PPL: variants seen among roughly 807,000 people sequenced by gnomAD.
PPL encodes the protein 190 kDa paraneoplastic pemphigus antigen.
In PPL, 198 loss-of-function variants were observed where a neutral mutation model predicts 194.4. That is an observed-to-expected ratio of 1.02 (90% CI 0.91 to 1.15). PPL has a LOEUF of 1.15. PPL is among the 50% of genes most tolerant of loss of function. The pLI is 0.00. For missense variants in PPL, 2,885 were observed against 2,294.8 expected, an observed-to-expected ratio of 1.26 and a Z score of -5.25; for synonymous variants, 1,220 against 972.4, an observed-to-expected ratio of 1.25 and a Z score of -4.74.
At chr16:4,889,848 G>A (rs2088286460) in intron 18 of PPL, among the ~76,000 whole-genome samples, 1 of 152,200 alleles carries the variant, frequency 6.6e-6, no homozygotes, top group Non-Finnish European at 1.5e-5. Flanking sequence ...GGGCATGGGG[G>A]AGGCAGGAGT....
rs756566402 is a variant in PPL, at chr16:4,885,907, G to A, written c.2748C>T (p.Thr916=). The A allele has an allele frequency of 8.7e-6, 14 of 1,611,178 alleles. No homozygotes were observed. In the East Asian group the frequency reaches 3.1e-4, roughly 36 times the overall value. The change falls in exon 22 of 22, where the codon ACC becomes ACT. Residue 916 remains threonine, a synonymous_variant. Coordinates refer to ENST00000345988, the MANE Select transcript of PPL (RefSeq NM_002705.5). The surrounding 1 kb of genome is among the most constrained non-coding windows in gnomAD (Gnocchi z 6.3). ...RRQLENEVKS[T]QEEIWTLRNQ... ...TCCTCAAGGTCCAGATTTCTTCCTG[G>A]GTGCTCTTGACCTCGTTCTCCAGCT... is the stretch of plus-strand genomic sequence containing the variant.
At chr16:4,901,135 G>C (rs767662802) in intron 4 of PPL, 46 bp from the exon 5 acceptor site, 6 of 1,603,942 alleles carry the variant, frequency 3.7e-6, no homozygotes, top group Non-Finnish European at 5.1e-6. Context: ...TGGGCTGAGG[G>C]CTGGGGACGT....
In PPL at chr16:4,889,023, T is replaced by C. The variant is rs1308045500; in HGVS notation, c.2352A>G (p.Val784=). 3.1e-6 allele frequency: 5 copies of C among 1,613,766 alleles called. No homozygotes were observed. In the South Asian group the frequency reaches 5.5e-5, roughly 18 times the overall value. Residue 784 remains valine, a synonymous_variant, in exon 19 of 22, where the codon GTA becomes GTG. Transcript: ENST00000345988. ...LDEIASREQE[V]QKICANSQQY... Reference sequence around the variant, plus strand: ...GCTGGGAATTGGCACAGATCTTCTGTACTTCCTGCTCCCTACTTGCTATCT... The same window carrying C: ...GCTGGGAATTGGCACAGATCTTCTGCACTTCCTGCTCCCTACTTGCTATCT...
chr16:4,885,373 G>C lies in PPL; in HGVS notation c.3282C>G (p.Leu1094=), dbSNP rs772566466. The change falls in exon 22 of 22, where the codon CTC becomes CTG. Residue 1094 remains leucine (L), a synonymous_variant. Transcript: ENST00000345988. This position sits in a 1 kb window ranked among gnomAD's most constrained non-coding sequence, Gnocchi z 6.3. ...TCTCTAGCCTCTTGAGCTTGTCCTG[G>C]AGGAAGCTCAGCTCCTCCTCCTGCT... ...REKQEEELSF[L]QDKLKRLEKE... 6.2e-7 allele frequency: 1 copy of C among 1,612,772 alleles called. No individual in the cohort carries two copies. The highest frequency in any genetic ancestry group is 2.2e-5 in the East Asian group (1 of 44,826).
At position 4,901,052 on chromosome 16, in the gene PPL, G is replaced by C. The variant is rs529740238; in HGVS notation, c.476C>G (p.Pro159Arg). 1 of 1,614,172 alleles carries C rather than the reference G, an allele frequency of 6.2e-7. No individual in the cohort carries two copies. Among genetic ancestry groups the C allele is most frequent in the East Asian group, 2.2e-5 (1 of 44,872 alleles). Residue 159 changes from proline (P) to arginine (R), a missense_variant, in exon 5 of 22, where the codon CCG becomes CGG. By Grantham distance (103) the Pro-to-Arg change is moderately radical (BLOSUM62 -2). Coordinates refer to ENST00000345988, the MANE Select transcript of PPL (RefSeq NM_002705.5). ...CTCCTCCACTTGGTGGTCCACCAGC[G>C]GCAGGTCAGTCCCAAAGCTCTGGTT... The part of the protein sequence containing the change: ...LNNQSFGTDL[P>R]LVDHQVEEHN...
At chr16:4,889,175 G>A (rs974155213) in intron 18 of PPL, 114 bp from the exon 19 acceptor site, 15 of 714,468 alleles carry the variant, frequency 2.1e-5, no homozygotes, top group Non-Finnish European at 3.3e-5. Flanking sequence ...CTAGCACAAA[G>A]TATGATGAAT....
chr16:4,905,862 T>C (rs1245299294), intron 2 of PPL, among the ~76,000 whole-genome samples: 1 of 152,128 alleles, frequency 6.6e-6, no homozygotes, highest in Non-Finnish European at 1.5e-5. Flanking sequence ...CTTAACACTT[T>C]GGGGGGCTGT....
chr16:4,928,455 T>C (rs1332452672), intron 1 of PPL, among the ~76,000 whole-genome samples: 1 of 152,220 alleles, frequency 6.6e-6, no homozygotes, highest in African/African-American at 2.4e-5. Context: ...CAGAGGGTTT[T>C]TGTCATGCTT....
chr16:4,911,020 C>CA lies in PPL; in HGVS notation c.63-72dup, dbSNP rs2088810221. On this transcript the variant is annotated intron_variant, in intron 1 of 21. Transcript: ENST00000345988. ...GGGGGCTATGTCCCCACCAGCACCC[C>CA]ATCCTCTGGCTGGCCCCGGCCCCAC... is the stretch of plus-strand genomic sequence containing the variant. The CA allele has an allele frequency of 7.8e-6, 10 of 1,283,370 alleles. No homozygotes were observed. The South Asian group carries it at 1.2e-4, about 16-fold the overall frequency. The allele number at this position is 1,283,370 out of a possible 1,614,324, so 79.5% of individuals were successfully genotyped here. A position where few individuals can be genotyped will look rare whatever the true frequency, so the allele number is the denominator to read the frequency against.
intron 10 of PPL, 56 bp from the exon 11 acceptor site, chr16:4,895,463 G>T: frequency 6.2e-7 from 1 of 1,606,058 alleles, no homozygotes; most frequent in South Asian, 1.1e-5. Context: ...CCCCTGGTGG[G>T]AGGACGCAGA....
chr16:4,886,017 G>C lies in PPL; in HGVS notation c.2638C>G (p.Leu880Val). 6.2e-7 allele frequency: 1 copy of C among 1,613,964 alleles called. No homozygotes were observed. Among genetic ancestry groups the C allele is most frequent in the Non-Finnish European group, 8.5e-7 (1 of 1,180,022 alleles). The change falls in exon 22 of 22, where the codon CTG (leucine) becomes GTG (valine). Residue 880 changes from leucine (L) to valine (V), a missense_variant. By Grantham distance (32) the Leu-to-Val change is conservative. Transcript: ENST00000345988. ...QPEVEVTHET[L>V]QRNRPDSGVE... Reference sequence around the variant, plus strand: ...CCAGAGTCCGGCCTATTCCTTTGCAGGGTCTCATGGGTCACTTCTACTTCC... The same window carrying C: ...CCAGAGTCCGGCCTATTCCTTTGCACGGTCTCATGGGTCACTTCTACTTCC...
rs1451937025 is a variant in PPL, at chr16:4,883,668, G to A, written c.4987C>T (p.Pro1663Ser). Residue 1663 changes from proline (P) to serine (S), a missense_variant, in exon 22 of 22, where the codon CCT (proline) becomes TCT (serine). By Grantham distance (74) the Pro-to-Ser change is moderately conservative (BLOSUM62 -1). Coordinates refer to ENST00000345988, the MANE Select transcript of PPL (RefSeq NM_002705.5). The surrounding 1 kb of genome is among the most constrained non-coding windows in gnomAD (Gnocchi z 4.8). ...HLRRSIVVIH[P>S]DTGRELSPEE... is the part of the protein sequence containing the mutation. ...GGGGACAGCTCGCGGCCTGTGTCAG[G>A]GTGGATGACTACGATGGAGCGCCGC... 3 of 1,614,124 alleles carry A rather than the reference G, an allele frequency of 1.9e-6. No homozygotes were observed. Among genetic ancestry groups the A allele is most frequent in the South Asian group, 2.2e-5 (2 of 91,082 alleles).
At position 4,885,305 on chromosome 16, in the gene PPL, A is replaced by G. The variant is rs751288709; in HGVS notation, c.3350T>C (p.Val1117Ala). Residue 1117 changes from valine to alanine, a missense_variant, in exon 22 of 22, where the codon GTG becomes GCG. By Grantham distance (64) the Val-to-Ala change is moderately conservative. Coordinates refer to ENST00000345988, the MANE Select transcript of PPL (RefSeq NM_002705.5). This position sits in a 1 kb window ranked among gnomAD's most constrained non-coding sequence, Gnocchi z 6.3. Reference protein sequence around the residue: ...MAEGKITVKEVLKVEKDAATE... With the variant: ...MAEGKITVKEALKVEKDAATE... ...GGCCGCGTCCTTCTCCACCTTGAGC[A>G]CCTCCTTGACGGTGATCTTGCCCTC... 1.5e-5 allele frequency: 24 copies of G among 1,607,154 alleles called. No homozygotes were observed. Among genetic ancestry groups the G allele is most frequent in the Non-Finnish European group, 1.4e-5 (16 of 1,178,338 alleles).
chr16:4,900,434 C>CTTTTTTTTTTTTTTTTTTTTTT lies in PPL; in HGVS notation c.606+374_606+395dup, dbSNP rs1217002366. 6.5e-5 allele frequency among the ~76,000 whole-genome samples: 4 copies of CTTTTTTTTTTTTTTTTTTTTTT among 61,678 alleles called. 1 individual carries two copies. The highest frequency in any genetic ancestry group is 1.2e-4 in the Non-Finnish European group (4 of 32,590). The allele number at this position is 61,678 out of a possible 152,430, so 40.5% of individuals were successfully genotyped here. On this transcript the variant is annotated intron_variant, in intron 6 of 21. Transcript: ENST00000345988. ...CCTGATTGAAACGTTTACTGCACGC[C>CTTTTTTTTTTTTTTTTTTTTTT]TTTTTTTTTTTTTTTTTTTTTTAAA...
At chr16:4,911,904 A>G (rs2088827424) in intron 1 of PPL, among the ~76,000 whole-genome samples, 1 of 151,918 alleles carries the variant, frequency 6.6e-6, no homozygotes, top group Non-Finnish European at 1.5e-5. Flanking sequence ...TGGCGTGATC[A>G]TAGTTCACTA....
intron 1 of PPL, among the ~76,000 whole-genome samples, chr16:4,918,227 A>T (rs951205287): frequency 6.7e-6 from 1 of 148,388 alleles, no homozygotes; most frequent in Non-Finnish European, 1.5e-5. Context: ...CGGGAGGTGG[A>T]GGTTGCAGTG....
intron 8 of PPL, among the ~76,000 whole-genome samples, chr16:4,898,704 G>A (rs1174143833): frequency 6.6e-6 from 1 of 152,210 alleles, no homozygotes; most frequent in Non-Finnish European, 1.5e-5. Context: ...ACAGCCCACA[G>A]ACCTCTGAGA....
intron 18 of PPL, 120 bp from the exon 19 acceptor site, chr16:4,889,181 T>C (rs865831781): frequency 2.6e-6 from 2 of 757,590 alleles, no homozygotes; most frequent in Middle Eastern, 3.8e-4. Flanking sequence ...CAAAGTATGA[T>C]GAATGGCTCC....
intron 6 of PPL, among the ~76,000 whole-genome samples, chr16:4,899,948 A>T (rs765237066): frequency 5.9e-5 from 9 of 152,132 alleles, no homozygotes; most frequent in Non-Finnish European, 1.2e-4. Flanking sequence ...CGCCTGATGA[A>T]CTTCTGCAAC....
Sources: allele counts gnomAD v4.1 joint callset (sites outside exome capture counted in the v4.1 genomes callset), GRCh38; gene constraint gnomAD v4.1.1; non-coding constraint Gnocchi (gnomAD v3.1); transcripts MANE v1.5; gene names NCBI Gene and HGNC (gene_info 2026-07-23, HGNC 2026-07-21).